The following DOCK8 variants were observed in gnomAD, a reference collection of about 807,000 sequenced individuals.
DOCK8 encodes dedicator of cytokinesis 8, also known as dedicator of cytokinesis protein 8.
Under a neutral mutation model 245.6 loss-of-function variants are expected in DOCK8, and 141 were observed. The observed-to-expected ratio is 0.57, with a 90% CI of 0.50 to 0.66. The LOEUF (loss-of-function observed/expected upper bound fraction) is 0.66. Among genes scored for constraint, DOCK8 ranks in the 30% least tolerant of loss-of-function variants. The pLI is 0.00. For synonymous variants in DOCK8, 1,168 were observed against 970.2 expected (o/e 1.20, Z -3.79); for missense variants, 2,965 against 2,603.4 (o/e 1.14, Z -3.02).
chr9:292,584 C>CT (rs1261626863), intron 4 of DOCK8, among the ~76,000 whole-genome samples: 2 of 151,092 alleles, frequency 1.3e-5, no homozygotes, highest in African/African-American at 4.9e-5. Context: ...TCCTGGTGCT[C>CT]TGCTTATTCG....
chr9:364,691 G>A (rs1213385121), intron 14 of DOCK8, among the ~76,000 whole-genome samples: 2 of 151,070 alleles, frequency 1.3e-5, no homozygotes, highest in African/African-American at 4.9e-5. Flanking sequence ...AAGGCTAAAT[G>A]GAAATGTGTT....
intron 1 of DOCK8, among the ~76,000 whole-genome samples, chr9:267,404 C>G (rs1185607845): frequency 1.3e-5 from 2 of 152,154 alleles, no homozygotes; most frequent in African/African-American, 4.8e-5. Flanking sequence ...CTGGGTTTCA[C>G]CATGTTGCCC....
At chr9:439,513 C>A in intron 40 of DOCK8, 125 bp downstream of exon 40, 1 of 1,319,868 alleles carries the variant, frequency 7.6e-7, no homozygotes, top group South Asian at 1.3e-5. Flanking sequence ...CCAGGGTGTG[C>A]GGGGCAGGGG....
chr9:357,126 A>G (rs566583540), intron 14 of DOCK8, among the ~76,000 whole-genome samples: 2 of 152,324 alleles, frequency 1.3e-5, no homozygotes, highest in South Asian at 4.1e-4. Flanking sequence ...AAAAGATAGC[A>G]TTCTTGAGGG....
chr9:296,527 A>C (rs993813110), intron 4 of DOCK8, among the ~76,000 whole-genome samples: 1 of 152,186 alleles, frequency 6.6e-6, no homozygotes, highest in Non-Finnish European at 1.5e-5. Flanking sequence ...GAGCTCAAGG[A>C]GAGCTGAGAT....
intron 1 of DOCK8, among the ~76,000 whole-genome samples, chr9:239,862 A>G (rs1337385913): frequency 6.6e-6 from 1 of 152,196 alleles, no homozygotes; most frequent in Non-Finnish European, 1.5e-5. Flanking sequence ...GTCATTAAAT[A>G]TTGTTGCATT....
At chr9:308,243 A>G (rs566446976) in intron 5 of DOCK8, among the ~76,000 whole-genome samples, 15 of 152,376 alleles carry the variant, frequency 9.8e-5, no homozygotes, top group South Asian at 4.1e-4. Context: ...AATTGAGGCA[A>G]TGGGTACACT....
intron 1 of DOCK8, chr9:268,011 A>G (rs1197437131): frequency 6.6e-6 from 1 of 152,232 alleles, no homozygotes; most frequent in South Asian, 2.1e-4. Context: ...CAGAGCCAAT[A>G]TACAACCCCA....
chr9:386,399 T>G lies in DOCK8; in HGVS notation c.2847T>G (p.Pro949=). The G allele has an allele frequency of 1.2e-6, 2 of 1,613,798 alleles. No individual in the cohort carries two copies. Among genetic ancestry groups the G allele is most frequent in the Non-Finnish European group, 1.7e-6 (2 of 1,179,810 alleles). ...GCAGTAGTGATGCTCCAAGTTCACC[T>G]GCAGCCCCAAGGCCAGCCAGCAAAA... ...CSGSSDAPSS[P]AAPRPASKKH... is the part of the protein sequence containing the mutation. Residue 949 remains proline, a synonymous_variant, in exon 23 of 48, where the codon CCT becomes CCG. Transcript: ENST00000432829.
chr9:246,567 G>C (rs1052107307), intron 1 of DOCK8, among the ~76,000 whole-genome samples: 3 of 152,024 alleles, frequency 2.0e-5, no homozygotes, highest in African/African-American at 7.2e-5. Flanking sequence ...TTTTTTGTCT[G>C]ACAGAGACAG....
At chr9:418,927 G>A (rs751192998) in intron 30 of DOCK8, among the ~76,000 whole-genome samples, 1 of 151,364 alleles carries the variant, frequency 6.6e-6, no homozygotes, top group Non-Finnish European at 1.5e-5. Flanking sequence ...TTAGCGTAAG[G>A]GCTTCTTAAA....
chr9:299,624 CTGT>C (rs1563892761), intron 4 of DOCK8, among the ~76,000 whole-genome samples: 28 of 151,790 alleles, frequency 1.8e-4, no homozygotes, highest in African/African-American at 6.5e-4. Context: ...CAGAGTTCAC[CTGT>C]TTATTTTTTT....
At chr9:352,938 T>C (rs1235635372) in intron 14 of DOCK8, among the ~76,000 whole-genome samples, 1 of 152,092 alleles carries the variant, frequency 6.6e-6, no homozygotes, top group Non-Finnish European at 1.5e-5. Flanking sequence ...GAGCAGGATA[T>C]CTTCCCTTTG....
At chr9:400,286 T>C (rs1448611474) in intron 26 of DOCK8, among the ~76,000 whole-genome samples, 130 of 7,684 alleles carry the variant, frequency 0.017, no homozygotes, top group Middle Eastern at 0.045. Context: ...ACCACTTCCT[T>C]CACCACCACC....
intron 12 of DOCK8, among the ~76,000 whole-genome samples, chr9:337,699 A>G (rs970628306): frequency 3.9e-5 from 6 of 152,340 alleles, no homozygotes; most frequent in East Asian, 1.9e-4. Flanking sequence ...GTATAGAGAC[A>G]GAAAGTAGAA....
chr9:346,962 T>A (rs2077851517), intron 14 of DOCK8, among the ~76,000 whole-genome samples: 1 of 152,096 alleles, frequency 6.6e-6, no homozygotes, highest in Admixed American at 6.5e-5. Context: ...TCCAAGGAAA[T>A]AGGTTCCCAG....
intron 4 of DOCK8, among the ~76,000 whole-genome samples, chr9:292,063 C>T (rs1359153978): frequency 1.2e-5 from 1 of 84,162 alleles, no homozygotes; most frequent in African/African-American, 4.6e-5. Context: ...GAGGAAGACC[C>T]TATCTCAAAA....
intron 9 of DOCK8, among the ~76,000 whole-genome samples, chr9:328,423 G>A (rs1277615268): frequency 6.6e-6 from 1 of 152,232 alleles, no homozygotes; most frequent in Non-Finnish European, 1.5e-5. Context: ...GGCATTGGCA[G>A]TTTCCTGGTC....
chr9:434,856 A>C lies in DOCK8; in HGVS notation c.4960A>C (p.Lys1654Gln), dbSNP rs546957632. The stretch of plus-strand genomic sequence containing the variant: ...CCAGAACATGGCAGAGAAACACACC[A>C]AGAAGAAGTGCTACACGGAGGCTGC... The part of the protein sequence containing the change: ...WLQNMAEKHT[K>Q]KKCYTEAAMC... Residue 1654 changes from lysine to glutamine, a missense_variant, in exon 39 of 48, where the codon AAG becomes CAG. Lys to Gln is a moderately conservative substitution (Grantham distance 53, BLOSUM62 1). Coordinates refer to ENST00000432829, the MANE Select transcript of DOCK8 (RefSeq NM_203447.4). 6.2e-7 allele frequency: 1 copy of C among 1,614,100 alleles called. No individual in the cohort carries two copies. The highest frequency in any genetic ancestry group is 1.7e-5 in the Admixed American group (1 of 60,028).
Sources: allele counts gnomAD v4.1 joint callset (sites outside exome capture counted in the v4.1 genomes callset), GRCh38; gene constraint gnomAD v4.1.1; transcripts MANE v1.5; gene names NCBI Gene and HGNC (gene_info 2026-07-23, HGNC 2026-07-21).